Variants in PFKM observed in about 807,000 individuals in gnomAD.
PFKM encodes the protein ATP-dependent 6-phosphofructokinase, muscle type.
A neutral mutation model predicts 95.5 loss-of-function variants in PFKM; 58 were observed. The ratio of observed to expected loss-of-function variants is 0.61; its 90% CI spans 0.49 to 0.76. The LOEUF is 0.76. Among genes scored for constraint, PFKM ranks in the 30% least tolerant of loss-of-function variants. PFKM has a pLI of 0.00. For missense variants in PFKM, 678 were observed against 1,005.4 expected (o/e 0.67, Z 4.40); for synonymous variants, 336 against 357.2 (o/e 0.94, Z 0.67).
chr12:48,119,550 G>T, intron 1 of PFKM, 144 bp downstream of exon 1: 1 of 304,438 alleles, frequency 3.3e-6, no homozygotes. Flanking sequence ...AGCCGAGAGG[G>T]GGATGGGCAG....
intron 1 of PFKM, chr12:48,106,472 A>G: frequency 2.9e-6 from 1 of 346,982 alleles, no homozygotes; most frequent in Non-Finnish European, 5.3e-6. Context: ...TTCCCCCGAC[A>G]GATAGGGACC....
At chr12:48,129,512 G>C (rs183455996) in intron 2 of PFKM, among the ~76,000 whole-genome samples, 2 of 152,286 alleles carry the variant, frequency 1.3e-5, no homozygotes, top group African/African-American at 4.8e-5. Flanking sequence ...AGAACGCAGT[G>C]AGAGAATAGA....
chr12:48,144,422 T>C (rs904889704), intron 20 of PFKM, among the ~76,000 whole-genome samples: 4 of 152,188 alleles, frequency 2.6e-5, no homozygotes, highest in Admixed American at 6.5e-5. Context: ...GCTTTGCCTT[T>C]TGGGGCTGGA....
rs1947962838 is a variant in PFKM, at chr12:48,119,424, G to A, written c.-9+18G>A. 2.2e-5 allele frequency: 22 copies of A among 985,890 alleles called. No homozygotes were observed. Among genetic ancestry groups the A allele is most frequent in the East Asian group, 1.1e-4 (1 of 8,844 alleles). 61.1% of individuals were successfully genotyped at this position (985,890 alleles called of 1,614,324 possible). A position where few individuals can be genotyped will look rare whatever the true frequency, so the allele number is the denominator to read the frequency against. On this transcript the variant is annotated intron_variant, in intron 1 of 22. Transcript: ENST00000359794. ...ACTAAAAGGCAAGAGGGGCCATTGA[G>A]TGAAGAGCAAGGGGGAGAGCTGGGA...
chr12:48,135,952 G>A (rs990564922), intron 10 of PFKM, among the ~76,000 whole-genome samples: 10 of 151,704 alleles, frequency 6.6e-5, no homozygotes, highest in Non-Finnish European at 1.5e-4. Context: ...GCAATGGTGC[G>A]ACCTTGGCTC....
rs111629833 is a variant in PFKM at position 48,108,249 on chromosome 12, A to C, written c.205+55A>C. The C allele has an allele frequency of 1.9e-3, 2,882 of 1,537,112 alleles. 46 individuals are homozygous for C. In the African/African-American group the frequency reaches 0.035, roughly 19 times the overall value. ...GTTCAAAGGAATATGGGAAAGTGAA[A>C]GTTGTATGCATAGTATTATAAATCA... On this transcript the variant is annotated intron_variant, in intron 3 of 24. Transcript: ENST00000340802.
intron 3 of PFKM, among the ~76,000 whole-genome samples, chr12:48,112,728 G>A (rs957386957): frequency 1.1e-4 from 16 of 152,218 alleles, no homozygotes; most frequent in Non-Finnish European, 1.9e-4. Flanking sequence ...ATAAGGCGCA[G>A]ATCCTGAACT....
At chr12:48,130,495 C>A (rs1291856196) in intron 3 of PFKM, 59 bp downstream of exon 3, 2 of 1,261,216 alleles carry the variant, frequency 1.6e-6, no homozygotes. Flanking sequence ...AATCTGCCTT[C>A]TATCCCCTTC....
In PFKM at chr12:48,141,841, A is replaced by G. The variant is rs1482740147; in HGVS notation, c.1500+14A>G. ...GGGGGCTTTGAGGTGAGTGCCTGCC[A>G]CCATTTCTTCCTCTCTCCCTCCTAC... On this transcript the variant is annotated intron_variant, in intron 16 of 22. Transcript: ENST00000359794. 6.2e-7 allele frequency: 1 copy of G among 1,613,120 alleles called. No homozygotes were observed. The highest frequency in any genetic ancestry group is 2.2e-5 in the East Asian group (1 of 44,856).
chr12:48,130,222 T>A, intron 2 of PFKM, 141 bp from the exon 3 acceptor site: 1 of 744,650 alleles, frequency 1.3e-6, no homozygotes, highest in Non-Finnish European at 2.5e-6. Flanking sequence ...AAGACTTTGA[T>A]GAGAGGATTA....
At chr12:48,116,037 T>C (rs549122775), upstream of PFKM, among the ~76,000 whole-genome samples, 1 of 152,172 alleles carries the variant, frequency 6.6e-6, no homozygotes, top group African/African-American at 2.4e-5. Flanking sequence ...TGCACCACTT[T>C]ACATTCCTAC....
intron 3 of PFKM, among the ~76,000 whole-genome samples, chr12:48,113,198 G>C (rs569133036): frequency 6.6e-6 from 1 of 152,216 alleles, no homozygotes; most frequent in East Asian, 1.9e-4. Context: ...AGTTTTAAGG[G>C]GTCTAGAAGC....
chr12:48,123,724 G>A (rs1013045219), intron 2 of PFKM, among the ~76,000 whole-genome samples: 2 of 152,104 alleles, frequency 1.3e-5, no homozygotes, highest in Non-Finnish European at 2.9e-5. Flanking sequence ...GACCCACTTT[G>A]TATAGAGCCC....
Position 48,108,133 on chromosome 12 carries a change from G to GA in PFKM, c.146dup (p.Ser50GlufsTer7). The GA allele has an allele frequency of 1.3e-6, 2 of 1,599,284 alleles. No homozygotes were observed. Among genetic ancestry groups the GA allele is most frequent in the Non-Finnish European group, 1.7e-6 (2 of 1,179,584 alleles). On this transcript the variant is annotated frameshift_variant, in exon 3 of 25. Transcript: ENST00000340802. LOFTEE classifies it high-confidence loss of function. ...AGCCACCACCAAAGACAGACATCTT[G>GA]AAGAGTCTAGATACTATGGATGATC...
At chr12:48,129,210 CTTTTTTTTTTTTTTT>C (rs778761447) in intron 2 of PFKM, among the ~76,000 whole-genome samples, 82 of 22,000 alleles carry the variant, frequency 3.7e-3, no homozygotes, top group Admixed American at 7.0e-3. Flanking sequence ...AATTTTCTTT[CTTTTTTTTTTTTTTT>C]TTTTTTTTTT....
chr12:48,145,833 C>G lies in PFKM; in HGVS notation c.*125C>G, dbSNP rs1221423728. 9.2e-7 allele frequency: 1 copy of G among 1,085,184 alleles called. No homozygotes were observed. The highest frequency in any genetic ancestry group is 1.4e-6 in the Non-Finnish European group (1 of 725,766). 67.2% of individuals were successfully genotyped at this position (1,085,184 alleles called of 1,614,324 possible). ...TTTCCTTTTATTCTGTACCTTGCAGCCATGACCAGTTCTGGCCAGGAGCTG... is the reference window on the plus strand; with the variant it reads ...TTTCCTTTTATTCTGTACCTTGCAGGCATGACCAGTTCTGGCCAGGAGCTG... On this transcript the variant is annotated 3_prime_UTR_variant, in exon 23 of 23. Coordinates refer to ENST00000359794, the MANE Select transcript of PFKM (RefSeq NM_000289.6). The surrounding 1 kb of genome is among the most constrained non-coding windows in gnomAD (Gnocchi z 4.3).
chr12:48,124,236 T>A (rs1457835471), intron 2 of PFKM, among the ~76,000 whole-genome samples: 1 of 152,048 alleles, frequency 6.6e-6, no homozygotes, highest in Admixed American at 6.6e-5. Flanking sequence ...GAGGTCTGAG[T>A]TTAGGAATAG....
Position 48,145,168 on chromosome 12 carries a change from G to C in PFKM, c.2092+38G>C, listed in dbSNP as rs1022932507. The C allele has an allele frequency of 1.9e-6, 3 of 1,609,742 alleles. No individual in the cohort carries two copies. The highest frequency in any genetic ancestry group is 8.5e-7 in the Non-Finnish European group (1 of 1,176,110). On this transcript the variant is annotated intron_variant, in intron 21 of 22. Coordinates refer to ENST00000359794, the MANE Select transcript of PFKM (RefSeq NM_000289.6). This position sits in a 1 kb window ranked among gnomAD's most constrained non-coding sequence, Gnocchi z 4.3. ...AGAGCGAGTGCCCTCTATAGAGGCT[G>C]GTTCCCCAGTATAGAAGCTGACTGC...
chr12:48,116,669 G>A (rs1565848622), upstream of PFKM, among the ~76,000 whole-genome samples: 3 of 152,050 alleles, frequency 2.0e-5, no homozygotes, highest in African/African-American at 7.2e-5. Context: ...TGTAGAGACG[G>A]GGTTTCACCA....
Sources: gnomAD v4.1 joint callset for allele counts (sites outside exome capture counted in the v4.1 genomes callset) on GRCh38, gnomAD v4.1.1 for gene constraint, Gnocchi (gnomAD v3.1) non-coding constraint, MANE v1.5 for transcripts, NCBI Gene and HGNC (gene_info 2026-07-23, HGNC 2026-07-21) for gene names.